Variants in ENAH observed in about 807,000 individuals in gnomAD.
The protein encoded by ENAH is ENAH actin regulator, also known as protein enabled homolog.
ENAH carries 23 observed loss-of-function variants against 78.7 expected under a neutral mutation model. That is an observed-to-expected ratio of 0.29 (90% CI 0.21 to 0.41). The LOEUF (loss-of-function observed/expected upper bound fraction) is 0.41. ENAH is among the 10% of genes least tolerant of loss of function. The pLI, the probability that ENAH is intolerant of heterozygous loss-of-function variation, is 1.00. For synonymous variants in ENAH, 226 were observed against 241.0 expected (o/e 0.94, Z 0.58); for missense variants, 544 against 691.0 (o/e 0.79, Z 2.39).
intron 1 of ENAH, among the ~76,000 whole-genome samples, chr1:225,645,400 T>C (rs1661778642): frequency 6.6e-6 from 1 of 152,238 alleles, no homozygotes; most frequent in African/African-American, 2.4e-5. Flanking sequence ...ATTATTCTGT[T>C]GTATGGACAT....
In ENAH at chr1:225,487,826, A is replaced by C. The variant is rs1041505846; in HGVS notation, c.*9949T>G. 4 of 152,248 alleles carry C rather than the reference A, an allele frequency of 2.6e-5. No individual in the cohort carries two copies. The highest frequency in any genetic ancestry group is 6.5e-5 in the Admixed American group (1 of 15,284). The allele number at this position is 152,248 out of a possible 1,614,324, so 9.4% of individuals were successfully genotyped here. ...AGAGATTCCAATTCCAGCATATATT[A>C]TGAAAGGTTATGGACTGTGACTATC... On this transcript the variant is annotated 3_prime_UTR_variant, in exon 14 of 14. Transcript: ENST00000366843.
At chr1:225,634,118 A>T in intron 1 of ENAH, among the ~76,000 whole-genome samples, 1 of 152,066 alleles carries the variant, frequency 6.6e-6, no homozygotes, top group African/African-American at 2.4e-5. Context: ...TGAGCTTATG[A>T]TTTTTAGGAT....
intron 1 of ENAH, among the ~76,000 whole-genome samples, chr1:225,586,238 G>A (rs2096845535): frequency 4.6e-5 from 2 of 43,772 alleles, no homozygotes; most frequent in African/African-American, 8.2e-5. Flanking sequence ...TGGGAGACAA[G>A]CTCAAAAAAA....
chr1:225,579,057 G>A (rs141563892), intron 1 of ENAH, among the ~76,000 whole-genome samples: 1 of 152,206 alleles, frequency 6.6e-6, no homozygotes, highest in Non-Finnish European at 1.5e-5. Context: ...AACCTTATGT[G>A]GTAGGTACCG....
Position 225,573,128 on chromosome 1 carries a change from G to A in ENAH, c.6-5714C>T, listed in dbSNP as rs529577159. On this transcript the variant is annotated intron_variant, in intron 1 of 13. Coordinates refer to ENST00000366843, the MANE Select transcript of ENAH (RefSeq NM_018212.6). ...ATTTAAGCAGACTAAGGATTGCTAG[G>A]CTAGTCTTGTATATACTATTTATTG... is the stretch of plus-strand genomic sequence containing the variant. Among the ~76,000 whole-genome samples, 31 of 152,234 alleles carry A rather than the reference G, an allele frequency of 2.0e-4. No individual in the cohort carries two copies. The East Asian group carries it at 4.6e-3, about 23-fold the overall frequency.
chr1:225,578,448 T>C (rs558839471), intron 1 of ENAH, among the ~76,000 whole-genome samples: 1 of 152,236 alleles, frequency 6.6e-6, no homozygotes, highest in South Asian at 2.1e-4. Context: ...GCATTCCAGC[T>C]TGGGCGACAG....
chr1:225,545,233 G>A (rs937427277), intron 3 of ENAH, among the ~76,000 whole-genome samples: 3 of 152,194 alleles, frequency 2.0e-5, no homozygotes, highest in Non-Finnish European at 4.4e-5. Context: ...AAGCCCATCT[G>A]ACACACGGCC....
chr1:225,562,742 TA>T (rs1218156714), intron 2 of ENAH, among the ~76,000 whole-genome samples: 5 of 151,924 alleles, frequency 3.3e-5, no homozygotes, highest in African/African-American at 7.2e-5. Context: ...GCTCTTACTA[TA>T]GAAAGTTTAG....
At chr1:225,619,975 A>T (rs536002688) in intron 1 of ENAH, among the ~76,000 whole-genome samples, 22 of 152,336 alleles carry the variant, frequency 1.4e-4, no homozygotes, top group Admixed American at 1.3e-3. Flanking sequence ...TGTGACTTCC[A>T]AAAACAGTAA....
intron 3 of ENAH, among the ~76,000 whole-genome samples, chr1:225,536,901 GATATAGAAAGACCACAGGCGTAC>G (rs2096564467): frequency 6.6e-6 from 1 of 151,920 alleles, no homozygotes; most frequent in Non-Finnish European, 1.5e-5. Context: ...AATGACATAA[GATATAGAAAGACCACAGGCGTAC>G]ACATAAAATG....
chr1:225,545,396 A>C (rs566822406), intron 3 of ENAH, among the ~76,000 whole-genome samples: 42 of 152,358 alleles, frequency 2.8e-4, no homozygotes, highest in African/African-American at 9.6e-4. Flanking sequence ...CAATTATTAA[A>C]GACCCTAAAG....
At chr1:225,548,488 T>C (rs2151381577) in intron 3 of ENAH, among the ~76,000 whole-genome samples, 1 of 152,230 alleles carries the variant, frequency 6.6e-6, no homozygotes, top group East Asian at 1.9e-4. Flanking sequence ...CTTTCCTAAT[T>C]TCTCACTCTA....
At chr1:225,632,352 G>A (rs12023679) in intron 1 of ENAH, among the ~76,000 whole-genome samples, 1 of 152,130 alleles carries the variant, frequency 6.6e-6, no homozygotes, top group Non-Finnish European at 1.5e-5. Context: ...ACAAAAATTA[G>A]TTGGGCATAG....
intron 1 of ENAH, among the ~76,000 whole-genome samples, chr1:225,627,342 AAAAT>A (rs2148317995): frequency 6.6e-6 from 1 of 152,366 alleles, no homozygotes; most frequent in South Asian, 2.1e-4. Context: ...AGCCAGGTAA[AAAAT>A]AAATCTAGGA....
At chr1:225,613,005 C>T (rs2096999945) in intron 1 of ENAH, among the ~76,000 whole-genome samples, 11 of 152,168 alleles carry the variant, frequency 7.2e-5, no homozygotes, top group Admixed American at 7.2e-4. Context: ...CAGCAGAATA[C>T]AAATTCTAAA....
chr1:225,652,702 C>T lies in ENAH; in HGVS notation c.-12G>A, dbSNP rs944900015. ...GCCCCTCACCTCATGGTGCCGGCGG[C>T]GCAGAGGCTTCCCCACCAGCCGGGA... On this transcript the variant is annotated 5_prime_UTR_variant, in exon 1 of 14. Transcript: ENST00000366843. 3 of 1,319,194 alleles carry T rather than the reference C, an allele frequency of 2.3e-6. No homozygotes were observed. The highest frequency in any genetic ancestry group is 4.3e-5 in the South Asian group (2 of 46,380). 81.7% of individuals were successfully genotyped at this position (1,319,194 alleles called of 1,614,324 possible). A position where few individuals can be genotyped will look rare whatever the true frequency, so the allele number is the denominator to read the frequency against.
chr1:225,620,146 G>A (rs1656539843), intron 1 of ENAH, among the ~76,000 whole-genome samples: 2 of 151,744 alleles, frequency 1.3e-5, no homozygotes, highest in Admixed American at 6.6e-5. Context: ...TTTGAAAGCT[G>A]GAACTATCTG....
chr1:225,528,502 G>A (rs554007670), intron 4 of ENAH, among the ~76,000 whole-genome samples: 1 of 152,158 alleles, frequency 6.6e-6, no homozygotes, highest in South Asian at 2.1e-4. Context: ...ATGCTGAGCA[G>A]GGAGATGACA....
intron 1 of ENAH, among the ~76,000 whole-genome samples, chr1:225,649,970 T>C (rs1662670609): frequency 6.6e-6 from 1 of 152,178 alleles, no homozygotes; most frequent in African/African-American, 2.4e-5. Flanking sequence ...AGGACTCAAC[T>C]TAAAAGACTA....
Sources: gnomAD v4.1 joint callset for allele counts (sites outside exome capture counted in the v4.1 genomes callset) on GRCh38, gnomAD v4.1.1 for gene constraint, MANE v1.5 for transcripts, NCBI Gene and HGNC (gene_info 2026-07-23, HGNC 2026-07-21) for gene names.